BLTP3A: variants seen among roughly 807,000 people sequenced by gnomAD.
The protein encoded by BLTP3A is ICBP90 binding protein 1.
At chr6:34,871,949 C>G in the BLTP3A span, 1 of 1,606,084 alleles carries the variant, frequency 6.2e-7, no homozygotes, top group East Asian at 2.2e-5. Flanking sequence ...AGAACAGTAG[C>G]TGCCCATAAC....
chr6:34,823,325 C>T, the BLTP3A span: 9 of 1,614,046 alleles, frequency 5.6e-6, no homozygotes, highest in Admixed American at 1.7e-5. Context: ...GACAGTCTCC[C>T]ATTGCCCTTG....
the BLTP3A span, chr6:34,834,613 C>T: frequency 6.9e-7 from 1 of 1,449,868 alleles, no homozygotes; most frequent in Non-Finnish European, 9.4e-7. Context: ...GGGATCCCAA[C>T]TGAGAGTGCT....
the BLTP3A span, chr6:34,855,608 ATTTT>A: frequency 3.1e-6 from 5 of 1,612,542 alleles, no homozygotes; most frequent in Non-Finnish European, 4.2e-6. Flanking sequence ...CTGTATTTTT[ATTTT>A]ATAGGTGTCT....
chr6:34,857,430 G>A, the BLTP3A span: 13 of 1,614,174 alleles, frequency 8.1e-6, no homozygotes, highest in South Asian at 1.4e-4. Context: ...TTCATATTGA[G>A]TTCACAGAGT....
the BLTP3A span, among the ~76,000 whole-genome samples, chr6:34,824,042 A>C: frequency 8.6e-5 from 13 of 150,980 alleles, no homozygotes. Context: ...TCCCAGGCTC[A>C]AGTGGTTCCC....
chr6:34,806,345 GC>G, the BLTP3A span, among the ~76,000 whole-genome samples: 1 of 152,066 alleles, frequency 6.6e-6, no homozygotes, highest in African/African-American at 2.4e-5. Context: ...TATGGTTTGA[GC>G]CCATTAACCC....
the BLTP3A span, among the ~76,000 whole-genome samples, chr6:34,813,529 T>C: frequency 1.3e-5 from 2 of 152,252 alleles, no homozygotes; most frequent in African/African-American, 4.8e-5. Context: ...GATTTCATCT[T>C]AGCTTTTACA....
the BLTP3A span, among the ~76,000 whole-genome samples, chr6:34,803,003 C>T: frequency 1.3e-5 from 2 of 151,756 alleles, no homozygotes; most frequent in African/African-American, 2.4e-5. Context: ...TGGTGAAACC[C>T]GTCTCTACAA....
At chr6:34,812,391 T>C in the BLTP3A span, among the ~76,000 whole-genome samples, 2 of 150,588 alleles carry the variant, frequency 1.3e-5, no homozygotes, top group African/African-American at 4.9e-5. Context: ...AACACAACAG[T>C]TAAAAAACCC....
the BLTP3A span, among the ~76,000 whole-genome samples, chr6:34,827,146 A>G: frequency 6.6e-6 from 1 of 152,038 alleles, no homozygotes; most frequent in Non-Finnish European, 1.5e-5. Flanking sequence ...CCCCATCTCT[A>G]CTAAAATACA....
At chr6:34,872,244 TC>T in the BLTP3A span, 5 of 1,532,854 alleles carry the variant, frequency 3.3e-6, no homozygotes, top group Non-Finnish European at 4.4e-6. Context: ...TCCTCCCTGT[TC>T]CCTTTACTGG....
the BLTP3A span, among the ~76,000 whole-genome samples, chr6:34,846,725 A>T: frequency 6.6e-6 from 1 of 152,118 alleles, no homozygotes; most frequent in East Asian, 1.9e-4. Context: ...GGATAATTTG[A>T]CTTCTTCCTT....
chr6:34,827,859 T>G, the BLTP3A span, among the ~76,000 whole-genome samples: 1 of 152,166 alleles, frequency 6.6e-6, no homozygotes, highest in African/African-American at 2.4e-5. Flanking sequence ...CTCGAACTCC[T>G]GACCTCAAGT....
At chr6:34,823,106 C>T in the BLTP3A span, 1 of 633,986 alleles carries the variant, frequency 1.6e-6, no homozygotes, top group Admixed American at 2.7e-5. Flanking sequence ...TTCATTCATT[C>T]ATTCACTCAG....
chr6:34,800,766 A>G, the BLTP3A span, among the ~76,000 whole-genome samples: 3 of 152,308 alleles, frequency 2.0e-5, no homozygotes, highest in South Asian at 6.2e-4. Context: ...TGTCACAAAA[A>G]TAAGATATAT....
the BLTP3A span, chr6:34,857,080 C>A: frequency 8.5e-7 from 1 of 1,172,856 alleles, no homozygotes; most frequent in Non-Finnish European, 1.2e-6. Flanking sequence ...CTGAGCATGG[C>A]TGGTGAGATC....
At chr6:34,792,641 C>T in the BLTP3A span, among the ~76,000 whole-genome samples, 4 of 152,190 alleles carry the variant, frequency 2.6e-5, no homozygotes, top group Non-Finnish European at 5.9e-5. Flanking sequence ...CCCCGTGCTC[C>T]CTTGACCGTC....
chr6:34,843,788 G>GT, the BLTP3A span, among the ~76,000 whole-genome samples: 3 of 152,104 alleles, frequency 2.0e-5, no homozygotes, highest in Admixed American at 2.0e-4. Context: ...TCATATGGTA[G>GT]TTCTATCTTT....
At chr6:34,863,907 G>C in the BLTP3A span, 7 of 1,239,854 alleles carry the variant, frequency 5.6e-6, no homozygotes, top group Non-Finnish European at 7.6e-6. Context: ...ACTTTATCCA[G>C]TTGTCTGAGC....
Sources: allele counts gnomAD v4.1 joint callset (sites outside exome capture counted in the v4.1 genomes callset), GRCh38; gene constraint gnomAD v4.1.1; transcripts MANE v1.5; gene names NCBI Gene and HGNC (gene_info 2026-07-23, HGNC 2026-07-21).